The following CDH18 variants were observed in gnomAD, a reference collection of about 807,000 sequenced individuals.
CDH18 encodes cadherin 18, also known as cadherin-18.
Under a neutral mutation model 67.9 loss-of-function variants are expected in CDH18, and 31 were observed. The ratio of observed to expected loss-of-function variants is 0.46; its 90% CI spans 0.34 to 0.62. The LOEUF (loss-of-function observed/expected upper bound fraction) is 0.62. Among genes scored for constraint, CDH18 ranks in the 20% least tolerant of loss-of-function variants. The pLI, the probability that CDH18 is intolerant of heterozygous loss-of-function variation, is 0.01. For missense variants in CDH18, 890 were observed against 975.5 expected (o/e 0.91, Z 1.17); for synonymous variants, 362 against 347.2 (o/e 1.04, Z -0.48).
intron 2 of CDH18, among the ~76,000 whole-genome samples, chr5:20,083,657 C>A (rs999643607): frequency 2.0e-5 from 3 of 152,104 alleles, no homozygotes; most frequent in Non-Finnish European, 4.4e-5. Context: ...TGTGACTGGG[C>A]AATTTACAAA....
intron 2 of CDH18, among the ~76,000 whole-genome samples, chr5:20,070,289 T>C (rs1743365067): frequency 6.6e-6 from 1 of 152,290 alleles, no homozygotes; most frequent in African/African-American, 2.4e-5. Flanking sequence ...TATTTATTTG[T>C]TTACTTATTG....
intron 2 of CDH18, among the ~76,000 whole-genome samples, chr5:19,873,778 G>A (rs1214863278): frequency 6.6e-6 from 1 of 152,020 alleles, no homozygotes; most frequent in South Asian, 2.1e-4. Flanking sequence ...CTCCCGAGTA[G>A]CTGGGACTAC....
At chr5:19,596,971 C>G (rs1746278455) in intron 6 of CDH18, among the ~76,000 whole-genome samples, 2 of 152,194 alleles carry the variant, frequency 1.3e-5, no homozygotes, top group Admixed American at 6.5e-5. Context: ...ATCATTTCCT[C>G]TTGAATGTTG....
At chr5:20,223,561 CA>C (rs1349090282) in intron 2 of CDH18, among the ~76,000 whole-genome samples, 1 of 151,984 alleles carries the variant, frequency 6.6e-6, no homozygotes, top group Non-Finnish European at 1.5e-5. Flanking sequence ...TGGGAGGCGC[CA>C]GGGGGCAGAA....
intron 2 of CDH18, among the ~76,000 whole-genome samples, chr5:20,007,672 A>T (rs1331658939): frequency 5.0e-5 from 7 of 140,156 alleles, no homozygotes. Flanking sequence ...GTGTGTGGAA[A>T]GTGTGTGTGT....
At chr5:20,187,239 T>C (rs1477777620) in intron 2 of CDH18, among the ~76,000 whole-genome samples, 1 of 151,882 alleles carries the variant, frequency 6.6e-6, no homozygotes, top group African/African-American at 2.4e-5. Flanking sequence ...AGGGTAAATG[T>C]ACATATGGCC....
intron 12 of CDH18, 105 bp downstream of exon 12, chr5:19,483,196 G>T: frequency 9.2e-7 from 1 of 1,090,018 alleles, no homozygotes; most frequent in Non-Finnish European, 1.3e-6. Context: ...TGGAGCAGCT[G>T]TTTCCTTACC....
intron 2 of CDH18, among the ~76,000 whole-genome samples, chr5:19,871,923 T>C (rs1341350879): frequency 6.6e-6 from 1 of 152,212 alleles, no homozygotes; most frequent in Non-Finnish European, 1.5e-5. Context: ...TTAATAACAC[T>C]ATACTTTATG....
chr5:20,018,818 G>A (rs1333483958), intron 2 of CDH18, among the ~76,000 whole-genome samples: 5 of 139,562 alleles, frequency 3.6e-5, no homozygotes, highest in African/African-American at 5.6e-5. Flanking sequence ...TTTTTGAGAC[G>A]GAGTTTCGCT....
intron 1 of CDH18, among the ~76,000 whole-genome samples, chr5:20,463,517 G>A (rs1170488098): frequency 1.3e-5 from 2 of 152,118 alleles, no homozygotes; most frequent in African/African-American, 4.8e-5. Context: ...CAGGGCAGTA[G>A]GAGAGAGAAT....
intron 5 of CDH18, among the ~76,000 whole-genome samples, chr5:19,616,612 G>T (rs970272065): frequency 6.6e-6 from 1 of 152,082 alleles, no homozygotes; most frequent in African/African-American, 2.4e-5. Context: ...TTTCCTCAAT[G>T]ATCAAATTGC....
chr5:19,795,658 T>C (rs1776780335), intron 3 of CDH18, among the ~76,000 whole-genome samples: 1 of 151,934 alleles, frequency 6.6e-6, no homozygotes, highest in Admixed American at 6.6e-5. Flanking sequence ...TCTTCTATCA[T>C]AATAAGAAAA....
intron 2 of CDH18, among the ~76,000 whole-genome samples, chr5:20,249,220 A>G (rs1361375718): frequency 6.6e-6 from 1 of 152,066 alleles, no homozygotes; most frequent in Admixed American, 6.6e-5. Context: ...TTTTTAAATT[A>G]TTTTTAAAAC....
At chr5:20,257,036 G>C (rs1007074155) in intron 1 of CDH18, among the ~76,000 whole-genome samples, 2 of 151,354 alleles carry the variant, frequency 1.3e-5, no homozygotes, top group African/African-American at 2.4e-5. Context: ...ACTTATCAGG[G>C]CAAAACTTTC....
chr5:20,381,462 C>T (rs1466499717), intron 1 of CDH18, among the ~76,000 whole-genome samples: 14 of 152,032 alleles, frequency 9.2e-5, no homozygotes, highest in Admixed American at 8.5e-4. Flanking sequence ...AATTGTACCC[C>T]CACCTGCATG....
intron 1 of CDH18, among the ~76,000 whole-genome samples, chr5:20,434,492 G>C (rs1186893006): frequency 6.6e-6 from 1 of 152,000 alleles, no homozygotes; most frequent in African/African-American, 2.4e-5. Context: ...CGTATTGTGT[G>C]TATCTTGGTA....
intron 1 of CDH18, among the ~76,000 whole-genome samples, chr5:20,506,666 C>T (rs1754680443): frequency 6.6e-6 from 1 of 152,176 alleles, no homozygotes; most frequent in Non-Finnish European, 1.5e-5. Flanking sequence ...GACTCCTGAC[C>T]CACAGGAACT....
At chr5:20,226,734 T>C (rs928074885) in intron 2 of CDH18, among the ~76,000 whole-genome samples, 3 of 152,092 alleles carry the variant, frequency 2.0e-5, no homozygotes, top group African/African-American at 7.2e-5. Context: ...GAATAATTAT[T>C]TACTACCATA....
chr5:19,585,309 T>TA (rs1743980093), intron 7 of CDH18, among the ~76,000 whole-genome samples: 1 of 152,202 alleles, frequency 6.6e-6, no homozygotes, highest in Non-Finnish European at 1.5e-5. Context: ...ATTACGTGTG[T>TA]AATCAAACCA....
Sources: allele counts gnomAD v4.1 joint callset (sites outside exome capture counted in the v4.1 genomes callset), GRCh38; gene constraint gnomAD v4.1.1; transcripts MANE v1.5; gene names NCBI Gene and HGNC (gene_info 2026-07-23, HGNC 2026-07-21).